Variants in SLC24A2 observed in about 807,000 individuals in gnomAD.
SLC24A2 encodes the protein sodium/potassium/calcium exchanger 2.
A neutral mutation model predicts 62.0 loss-of-function variants in SLC24A2; 36 were observed. That is an observed-to-expected ratio of 0.58 (90% CI 0.44 to 0.77). The LOEUF (loss-of-function observed/expected upper bound fraction) is 0.77, where lower values mean the gene tolerates loss of function less well. SLC24A2 is among the 30% of genes least tolerant of loss of function. SLC24A2 has a pLI of 0.00. For missense variants in SLC24A2, 846 were observed against 817.9 expected, an observed-to-expected ratio of 1.03 and a Z score of -0.42; for synonymous variants, 358 against 294.0, an observed-to-expected ratio of 1.22 and a Z score of -2.23.
the SLC24A2 span, among the ~76,000 whole-genome samples, chr9:19,827,540 T>C: frequency 0.78 from 118,820 of 151,698 alleles, 49,792 homozygotes; most frequent in Non-Finnish European, 0.94. Context: ...GCCATATTTC[T>C]TTGACTCTAA....
At chr9:19,654,666 G>C (rs886284432) in intron 2 of SLC24A2, among the ~76,000 whole-genome samples, 8 of 152,152 alleles carry the variant, frequency 5.3e-5, no homozygotes, top group Non-Finnish European at 7.3e-5. Context: ...TGACCTCCTT[G>C]AGAGTAGCTG....
intron 2 of SLC24A2, among the ~76,000 whole-genome samples, chr9:19,709,262 C>T (rs1490244908): frequency 2.6e-5 from 4 of 151,802 alleles, no homozygotes; most frequent in Non-Finnish European, 4.4e-5. Flanking sequence ...ACAACAGGTG[C>T]TGGAGAGGAT....
intron 7 of SLC24A2, among the ~76,000 whole-genome samples, chr9:19,557,814 CTTT>C (rs927387911): frequency 2.2e-5 from 3 of 139,232 alleles, no homozygotes; most frequent in African/African-American, 2.6e-5. Context: ...GCTCACATTT[CTTT>C]TTTTTTTTTT....
the SLC24A2 span, among the ~76,000 whole-genome samples, chr9:20,188,508 A>C: frequency 4.8e-4 from 73 of 152,310 alleles, no homozygotes; most frequent in Non-Finnish European, 9.3e-4. Context: ...AATTCTCAAA[A>C]TCTGTGAGTG....
chr9:20,020,458 A>C, the SLC24A2 span, among the ~76,000 whole-genome samples: 1 of 152,204 alleles, frequency 6.6e-6, no homozygotes, highest in Non-Finnish European at 1.5e-5. Context: ...ATTCTCAGCA[A>C]ACTGACACAA....
chr9:19,570,433 G>A (rs1835804812), intron 7 of SLC24A2, among the ~76,000 whole-genome samples: 1 of 152,098 alleles, frequency 6.6e-6, no homozygotes, highest in African/African-American at 2.4e-5. Context: ...TCTTCCTTTG[G>A]CAGGCTCTCA....
chr9:19,578,358 CAAA>C (rs3085616), intron 5 of SLC24A2, among the ~76,000 whole-genome samples: 4,023 of 135,524 alleles, frequency 0.03, 111 homozygotes, highest in African/African-American at 0.076. Flanking sequence ...TGCAATAAGC[CAAA>C]AAAAAAAAAA....
At chr9:19,961,027 T>G in the SLC24A2 span, among the ~76,000 whole-genome samples, 2 of 143,852 alleles carry the variant, frequency 1.4e-5, no homozygotes, top group African/African-American at 5.5e-5. Context: ...GGGGTGGGTG[T>G]GTGTGTGTGT....
intron 10 of SLC24A2, among the ~76,000 whole-genome samples, chr9:19,518,234 A>T (rs1185554224): frequency 6.6e-6 from 1 of 152,164 alleles, no homozygotes; most frequent in African/African-American, 2.4e-5. Context: ...ATAGCTGTTT[A>T]AAAAATCACA....
chr9:19,768,378 C>T (rs902760729), intron 2 of SLC24A2, among the ~76,000 whole-genome samples: 1 of 152,158 alleles, frequency 6.6e-6, no homozygotes, highest in Non-Finnish European at 1.5e-5. Flanking sequence ...ATTGCTAACC[C>T]CAATGTTCAA....
the SLC24A2 span, among the ~76,000 whole-genome samples, chr9:19,904,075 G>C: frequency 3.9e-5 from 6 of 152,118 alleles, no homozygotes; most frequent in Non-Finnish European, 8.8e-5. Context: ...TAAACAGCTC[G>C]GACATGTAGC....
the SLC24A2 span, among the ~76,000 whole-genome samples, chr9:19,997,918 T>C: frequency 6.6e-6 from 1 of 152,202 alleles, no homozygotes; most frequent in Non-Finnish European, 1.5e-5. Flanking sequence ...AGATTCAGCA[T>C]TAATTTTCTC....
chr9:20,203,905 T>C, the SLC24A2 span, among the ~76,000 whole-genome samples: 2 of 152,238 alleles, frequency 1.3e-5, no homozygotes, highest in Admixed American at 1.3e-4. Flanking sequence ...TTTGAGTATT[T>C]ATTCAACACG....
chr9:19,533,754 A>G (rs7029347), intron 8 of SLC24A2, among the ~76,000 whole-genome samples: 45,216 of 152,154 alleles, frequency 0.3, 7,964 homozygotes, highest in Non-Finnish European at 0.41. Context: ...GGGCTAAAAA[A>G]TGTCTTGTAT....
the SLC24A2 span, among the ~76,000 whole-genome samples, chr9:19,945,025 T>C: frequency 1.2e-4 from 19 of 152,210 alleles, no homozygotes; most frequent in Non-Finnish European, 1.8e-4. Context: ...AGAGTGGTCT[T>C]GATCAGTCAC....
intron 4 of SLC24A2, among the ~76,000 whole-genome samples, chr9:19,614,375 T>G (rs1336224895): frequency 6.6e-6 from 1 of 152,220 alleles, no homozygotes; most frequent in Non-Finnish European, 1.5e-5. Flanking sequence ...ACTGTTCAGC[T>G]ATGTTTGAAC....
chr9:19,937,807 T>C, the SLC24A2 span, among the ~76,000 whole-genome samples: 1 of 152,214 alleles, frequency 6.6e-6, no homozygotes, highest in African/African-American at 2.4e-5. Flanking sequence ...TAATGCTGTC[T>C]TCAGGATGTA....
At position 19,787,035 on chromosome 9, in the gene SLC24A2, A is replaced by C. The variant is rs1823196437; in HGVS notation, c.-153-16T>G. 7.3e-7 allele frequency: 1 copy of C among 1,365,230 alleles called. No homozygotes were observed. Among genetic ancestry groups the C allele is most frequent in the Non-Finnish European group, 9.5e-7 (1 of 1,058,024 alleles). The allele number at this position is 1,365,230 out of a possible 1,614,324, so 84.6% of individuals were successfully genotyped here. On this transcript the variant is annotated splice_polypyrimidine_tract_variant and intron_variant, in intron 1 of 10. Coordinates refer to ENST00000341998, the MANE Select transcript of SLC24A2 (RefSeq NM_020344.4). ...ATCATTTATGCTTAAATAAAAATAA[A>C]AACGAGAATAAGTAAATCATAAAAT...
At chr9:19,802,287 G>A in the SLC24A2 span, among the ~76,000 whole-genome samples, 2 of 152,176 alleles carry the variant, frequency 1.3e-5, no homozygotes, top group East Asian at 1.9e-4. Context: ...TGGAATTATA[G>A]TTCCTATTGC....
Sources: allele counts gnomAD v4.1 joint callset (sites outside exome capture counted in the v4.1 genomes callset), GRCh38; gene constraint gnomAD v4.1.1; transcripts MANE v1.5; gene names NCBI Gene and HGNC (gene_info 2026-07-23, HGNC 2026-07-21).